NEK1: variants seen among roughly 807,000 people sequenced by gnomAD.
The protein encoded by NEK1 is serine/threonine-protein kinase Nek1.
NEK1 carries 137 observed loss-of-function variants against 182.1 expected under a neutral mutation model. That is an observed-to-expected ratio of 0.75 (90% confidence interval 0.65 to 0.87). The LOEUF is 0.87. Among genes scored for constraint, NEK1 ranks in the 40% least tolerant of loss-of-function variants. NEK1 has a pLI of 0.00. For synonymous variants in NEK1, 513 were observed against 492.2 expected (o/e 1.04, Z -0.56); for missense variants, 1,391 against 1,494.4 (o/e 0.93, Z 1.14).
chr4:169,525,583 T>C (rs1002191371), intron 19 of NEK1, among the ~76,000 whole-genome samples: 1 of 152,208 alleles, frequency 6.6e-6, no homozygotes, highest in African/African-American at 2.4e-5. Context: ...TCAAATCTAG[T>C]CTGCTGTCTT....
intron 27 of NEK1, among the ~76,000 whole-genome samples, chr4:169,439,844 TC>T (rs1739097844): frequency 7.2e-6 from 1 of 139,828 alleles, no homozygotes; most frequent in Non-Finnish European, 1.5e-5. Flanking sequence ...GGTTAGGGTA[TC>T]TTTTTTTTTT....
chr4:169,414,269 T>C (rs1170573064), intron 31 of NEK1, among the ~76,000 whole-genome samples: 1 of 152,166 alleles, frequency 6.6e-6, no homozygotes, highest in Non-Finnish European at 1.5e-5. Context: ...TCATACATCC[T>C]ACTAGTAACA....
chr4:169,577,356 T>C (rs542809807), intron 11 of NEK1, among the ~76,000 whole-genome samples: 51 of 152,188 alleles, frequency 3.4e-4, no homozygotes, highest in African/African-American at 1.2e-3. Flanking sequence ...TGAGTGATGG[T>C]TGCACGTATC....
chr4:169,562,509 G>T (rs1448237846), intron 12 of NEK1, among the ~76,000 whole-genome samples: 5 of 151,936 alleles, frequency 3.3e-5, no homozygotes, highest in African/African-American at 9.7e-5. Flanking sequence ...CAATGATGGA[G>T]ATAATTTTTT....
At chr4:169,561,795 A>G in intron 14 of NEK1, 37 bp downstream of exon 14, 1 of 1,603,770 alleles carries the variant, frequency 6.2e-7, no homozygotes, top group African/African-American at 1.3e-5. Flanking sequence ...TCACTTAACA[A>G]CTTGCCAAAG....
chr4:169,588,903 G>A (rs926581746), intron 7 of NEK1, among the ~76,000 whole-genome samples, 168 bp from the exon 8 acceptor site: 4 of 152,082 alleles, frequency 2.6e-5, no homozygotes, highest in East Asian at 1.9e-4. Context: ...ATACACTGTA[G>A]AGCAATTACT....
intron 23 of NEK1, among the ~76,000 whole-genome samples, chr4:169,504,308 T>C (rs1409876956): frequency 2.6e-5 from 4 of 152,190 alleles, no homozygotes; most frequent in East Asian, 1.9e-4. Context: ...CAGCCACTTA[T>C]GGAGAACAGT....
rs181568080 is a variant in NEK1, at chr4:169,443,842, A to G, written c.2588-5583T>C. 3.8e-4 allele frequency among the ~76,000 whole-genome samples: 58 copies of G among 152,346 alleles called. 1 individual carries two copies. Among genetic ancestry groups the G allele is most frequent in the Admixed American group, 2.6e-3 (40 of 15,306 alleles). ...CAATGGCTTTCTCAGCAGAAAACTT[A>G]TAAGATAGGAGAAAACGGGATGATA... On this transcript the variant is annotated intron_variant, in intron 27 of 35. Transcript: ENST00000507142.
chr4:169,480,188 T>C (rs1432172264), intron 23 of NEK1, among the ~76,000 whole-genome samples: 1 of 152,158 alleles, frequency 6.6e-6, no homozygotes, highest in Non-Finnish European at 1.5e-5. Context: ...TTCCTCAATC[T>C]AGGAAACAAG....
At chr4:169,532,050 T>C (rs765583724) in intron 19 of NEK1, among the ~76,000 whole-genome samples, 10 of 152,088 alleles carry the variant, frequency 6.6e-5, no homozygotes, top group Non-Finnish European at 1.2e-4. Flanking sequence ...GACAAAACTA[T>C]AGTAACAGGA....
chr4:169,548,019 AAGG>A (rs1760808129), intron 18 of NEK1, among the ~76,000 whole-genome samples: 1 of 152,156 alleles, frequency 6.6e-6, no homozygotes, highest in African/African-American at 2.4e-5. Context: ...CCTTGCTGTC[AAGG>A]AGTTGTGATC....
intron 10 of NEK1, among the ~76,000 whole-genome samples, chr4:169,584,204 T>C (rs551179338): frequency 6.6e-6 from 1 of 152,180 alleles, no homozygotes; most frequent in South Asian, 2.1e-4. Context: ...TGCACCTACA[T>C]GTGTGCACTA....
At chr4:169,547,835 C>A (rs1240982902) in intron 18 of NEK1, among the ~76,000 whole-genome samples, 1 of 152,116 alleles carries the variant, frequency 6.6e-6, no homozygotes, top group Non-Finnish European at 1.5e-5. Context: ...CATTTATGTT[C>A]TTCTTTAAAC....
At chr4:169,611,962 A>C (rs1469963290) in intron 2 of NEK1, 58 bp downstream of exon 2, 1 of 152,050 alleles carries the variant, frequency 6.6e-6, no homozygotes, top group Admixed American at 6.5e-5. Context: ...CGCACATCTC[A>C]TTTCCAGGAT....
At chr4:169,420,310 CA>C (rs1735270932) in intron 31 of NEK1, among the ~76,000 whole-genome samples, 1 of 152,192 alleles carries the variant, frequency 6.6e-6, no homozygotes, top group Admixed American at 6.5e-5. Flanking sequence ...GGCCGTTTTA[CA>C]GTTCACTTTC....
intron 19 of NEK1, among the ~76,000 whole-genome samples, chr4:169,511,859 A>G (rs1374280172): frequency 6.6e-6 from 1 of 152,084 alleles, no homozygotes; most frequent in African/African-American, 2.4e-5. Context: ...GACTCACAAT[A>G]TGTGTCCTTT....
At chr4:169,435,741 C>T (rs1248539496) in intron 28 of NEK1, among the ~76,000 whole-genome samples, 3 of 151,962 alleles carry the variant, frequency 2.0e-5, no homozygotes, top group East Asian at 1.9e-4. Context: ...GAGAGGGACC[C>T]GAATAAGCCC....
intron 5 of NEK1, among the ~76,000 whole-genome samples, chr4:169,596,051 C>G (rs1420270297): frequency 1.3e-5 from 2 of 151,868 alleles, no homozygotes; most frequent in African/African-American, 4.8e-5. Context: ...TTTCTAGCAA[C>G]CAGGGACCTT....
chr4:169,534,078 C>T (rs1319779780), intron 19 of NEK1, among the ~76,000 whole-genome samples: 7 of 152,170 alleles, frequency 4.6e-5, no homozygotes, highest in Admixed American at 3.9e-4. Flanking sequence ...GATAATAAAG[C>T]AGAACCTTTA....
Sources: allele counts gnomAD v4.1 joint callset (sites outside exome capture counted in the v4.1 genomes callset), GRCh38; gene constraint gnomAD v4.1.1; transcripts MANE v1.5; gene names NCBI Gene and HGNC (gene_info 2026-07-23, HGNC 2026-07-21).